Variants in ZNF599 observed in about 807,000 individuals in gnomAD.
ZNF599 encodes the protein zinc finger protein 599.
Under a neutral mutation model 11.7 loss-of-function variants are expected in ZNF599, and 10 were observed. The observed-to-expected ratio is 0.86, with a 90% CI of 0.53 to 1.45. ZNF599 has a LOEUF of 1.45. ZNF599 is among the 40% of genes most tolerant of loss of function. The pLI is 0.00. For missense variants in ZNF599, 688 were observed against 713.6 expected (o/e 0.96, Z 0.41); for synonymous variants, 232 against 253.2 (o/e 0.92, Z 0.79).
the ZNF599 span, among the ~76,000 whole-genome samples, chr19:34,793,491 C>T: frequency 1.3e-5 from 2 of 152,182 alleles, 1 homozygote; most frequent in South Asian, 4.1e-4. Context: ...TAAAGGGAAT[C>T]TTGTATTGCT....
the ZNF599 span, among the ~76,000 whole-genome samples, chr19:34,781,227 AAAG>A: frequency 6.6e-6 from 1 of 152,070 alleles, no homozygotes; most frequent in Non-Finnish European, 1.5e-5. Flanking sequence ...AAATGAAAGA[AAAG>A]AAATAAAGAG....
At chr19:34,802,798 G>T in the ZNF599 span, among the ~76,000 whole-genome samples, 1 of 152,242 alleles carries the variant, frequency 6.6e-6, no homozygotes, top group East Asian at 1.9e-4. Flanking sequence ...CCTCTGAGCC[G>T]CATGTCCCCA....
the ZNF599 span, among the ~76,000 whole-genome samples, chr19:34,804,313 T>C: frequency 6.6e-6 from 1 of 152,214 alleles, no homozygotes. Context: ...TGTCTATTCT[T>C]CTCTTAGAAG....
At chr19:34,790,694 A>G in the ZNF599 span, among the ~76,000 whole-genome samples, 1 of 152,186 alleles carries the variant, frequency 6.6e-6, no homozygotes, top group African/African-American at 2.4e-5. Context: ...TATTGCACAG[A>G]ACTGTGACTA....
At chr19:34,789,015 C>T in the ZNF599 span, among the ~76,000 whole-genome samples, 2 of 152,106 alleles carry the variant, frequency 1.3e-5, no homozygotes, top group African/African-American at 4.8e-5. Context: ...CTATATTCAC[C>T]ATGTTGTATA....
At chr19:34,762,174 A>G (rs926328851) in intron 3 of ZNF599, among the ~76,000 whole-genome samples, 2 of 152,206 alleles carry the variant, frequency 1.3e-5, no homozygotes, top group Non-Finnish European at 2.9e-5. Flanking sequence ...CTCTACCCCA[A>G]AATGAACATA....
At chr19:34,766,986 T>G (rs926961612) in intron 3 of ZNF599, 12 of 234,706 alleles carry the variant, frequency 5.1e-5, no homozygotes, top group Non-Finnish European at 6.6e-5. Flanking sequence ...TTGAGTCACA[T>G]GATTTTGGAG....
rs746261117 is a variant in ZNF599 at position 34,759,890 on chromosome 19, G to A, written c.911C>T (p.Thr304Ile). ...TAAAAAGGGTTTTTCTCGAGTGTGA[G>A]TCATATTATGCTGGATAAAAGAAGA... ...HRSSFIQHNM[T>I]HTREKPFLCK... The change falls in exon 4 of 4, where the codon ACT becomes ATT. Residue 304 changes from threonine to isoleucine, a missense_variant. Physicochemically the swap from Thr to Ile is moderately conservative, Grantham distance 89. Coordinates refer to ENST00000329285, the MANE Select transcript of ZNF599 (RefSeq NM_001007248.3). The A allele has an allele frequency of 7.7e-5, 125 of 1,613,932 alleles. 2 individuals are homozygous for A. In the South Asian group the frequency reaches 9.8e-4, roughly 13 times the overall value.
In ZNF599 at chr19:34,767,315, C is replaced by A; in HGVS notation, c.241+1G>T. The A allele has an allele frequency of 6.2e-7, 1 of 1,613,864 alleles. No homozygotes were observed. Among genetic ancestry groups the A allele is most frequent in the Non-Finnish European group, 8.5e-7 (1 of 1,179,782 alleles). ...CCGCTGCCAGACTCTCAGTCACCAA[C>A]CTGCGCAGGTGCTTTGGGAGAGGCC... On this transcript the variant is annotated splice_donor_variant, in intron 3 of 3. Coordinates refer to ENST00000329285, the MANE Select transcript of ZNF599 (RefSeq NM_001007248.3). LOFTEE classifies it high-confidence loss of function.
Position 34,759,130 on chromosome 19 carries a change from G to A in ZNF599, c.1671C>T (p.His557=), listed in dbSNP as rs555979216. The change falls in exon 4 of 4, where the codon CAC becomes CAT. Residue 557 remains histidine (H), a synonymous_variant. Transcript: ENST00000329285. ...NFALTQHMRT[H]TGEKPFECNE... is the part of the protein sequence containing the mutation. Reference sequence around the variant, plus strand: ...TGCATTCAAAGGGTTTCTCTCCAGTGTGAGTTCTCATGTGCTGAGTTAAAG... The same window carrying A: ...TGCATTCAAAGGGTTTCTCTCCAGTATGAGTTCTCATGTGCTGAGTTAAAG... 1,908 of 1,614,222 alleles carry A rather than the reference G, an allele frequency of 1.2e-3. 39 individuals carry two copies. The South Asian group carries it at 0.02, about 17-fold the overall frequency.
At chr19:34,774,144 A>C (rs997890260), upstream of ZNF599, among the ~76,000 whole-genome samples, 1 of 152,226 alleles carries the variant, frequency 6.6e-6, no homozygotes, top group Non-Finnish European at 1.5e-5. Flanking sequence ...ATACTTTCTT[A>C]CATGATTCAA....
the ZNF599 span, among the ~76,000 whole-genome samples, chr19:34,784,852 G>A: frequency 5.9e-4 from 89 of 150,134 alleles, no homozygotes; most frequent in African/African-American, 2.1e-3. Flanking sequence ...CAGTCCTCAG[G>A]CTCCACTCTT....
At position 34,760,540 on chromosome 19, in the gene ZNF599, CT is replaced by C; in HGVS notation, c.260del (p.Lys87ArgfsTer41). On this transcript the variant is annotated frameshift_variant, in exon 4 of 4. Transcript: ENST00000329285. LOFTEE classifies it low-confidence loss of function (END_TRUNC). ...GCTGAGAAGCAGTAGGCTCTGTAAT[CT>C]TGGGTTTTGCTTTTTCACCTGAAGG... is the stretch of plus-strand genomic sequence containing the variant. ...STCAGEKAKP[K>X]ITEPTASQLA... The C allele has an allele frequency of 6.3e-7, 1 of 1,599,952 alleles. No homozygotes were observed. The highest frequency in any genetic ancestry group is 8.5e-7 in the Non-Finnish European group (1 of 1,174,974).
chr19:34,793,066 T>C, the ZNF599 span, among the ~76,000 whole-genome samples: 1 of 152,098 alleles, frequency 6.6e-6, no homozygotes, highest in African/African-American at 2.4e-5. Flanking sequence ...GGGAGCCTGC[T>C]GGGGATTCAG....
At chr19:34,797,324 T>C in the ZNF599 span, among the ~76,000 whole-genome samples, 1 of 152,220 alleles carries the variant, frequency 6.6e-6, no homozygotes, top group Non-Finnish European at 1.5e-5. Flanking sequence ...TTTGGGTATA[T>C]ACCCAGTAGT....
chr19:34,800,582 C>CTTTTTTTTTTTTTTTTTTTTTTTTTTTT, the ZNF599 span, among the ~76,000 whole-genome samples: 1 of 73,836 alleles, frequency 1.4e-5, no homozygotes, highest in African/African-American at 4.9e-5. Context: ...CTAGCATTTC[C>CTTTTTTTTTTTTTTTTTTTTTTTTTTTT]TTTGTTTTTT....
At chr19:34,781,591 A>G in the ZNF599 span, among the ~76,000 whole-genome samples, 1 of 152,160 alleles carries the variant, frequency 6.6e-6, no homozygotes, top group Non-Finnish European at 1.5e-5. Flanking sequence ...CAGTAGTAAG[A>G]CTCTCAAAGT....
At chr19:34,781,926 C>G in the ZNF599 span, among the ~76,000 whole-genome samples, 1 of 152,132 alleles carries the variant, frequency 6.6e-6, no homozygotes, top group African/African-American at 2.4e-5. Context: ...TGGGGTGCAG[C>G]CTGGGGCCCA....
intron 3 of ZNF599, among the ~76,000 whole-genome samples, chr19:34,766,801 G>A (rs899385707): frequency 6.6e-6 from 1 of 152,178 alleles, no homozygotes; most frequent in Non-Finnish European, 1.5e-5. Flanking sequence ...AAATGTTAAT[G>A]GAAGTGACTA....
Sources: gnomAD v4.1 joint callset for allele counts (sites outside exome capture counted in the v4.1 genomes callset) on GRCh38, gnomAD v4.1.1 for gene constraint, MANE v1.5 for transcripts, NCBI Gene and HGNC (gene_info 2026-07-23, HGNC 2026-07-21) for gene names.